Variants in STXBP6 observed in about 807,000 individuals in gnomAD.
STXBP6 encodes the protein syntaxin-binding protein 6.
Under a neutral mutation model 26.9 loss-of-function variants are expected in STXBP6, and 21 were observed. That is an observed-to-expected ratio of 0.78 (90% CI 0.55 to 1.12). STXBP6 has a LOEUF of 1.12. Among genes scored for constraint, STXBP6 ranks in the 50% most tolerant of loss-of-function variants. The pLI, the probability that STXBP6 is intolerant of heterozygous loss-of-function variation, is 0.00. For missense variants in STXBP6, 232 were observed against 257.9 expected (o/e 0.90, Z 0.69); for synonymous variants, 97 against 92.6 (o/e 1.05, Z -0.27).
intron 2 of STXBP6, among the ~76,000 whole-genome samples, chr14:24,909,297 C>T (rs903141576): frequency 1.3e-5 from 2 of 152,210 alleles, no homozygotes; most frequent in Non-Finnish European, 2.9e-5. Flanking sequence ...GCACGTCATG[C>T]GTGGAGCGCT....
chr14:24,982,958 G>A (rs1267315793), intron 1 of STXBP6, among the ~76,000 whole-genome samples: 2 of 152,176 alleles, frequency 1.3e-5, no homozygotes, highest in South Asian at 2.1e-4. Context: ...GAGGTAAGAC[G>A]AAGATTTCAT....
chr14:24,931,235 G>C (rs1393315516), intron 2 of STXBP6, among the ~76,000 whole-genome samples: 2 of 132,500 alleles, frequency 1.5e-5, no homozygotes, highest in African/African-American at 5.6e-5. Context: ...GGGGCCTGTC[G>C]TGAGGTGGGG....
At chr14:24,944,008 T>C (rs2072894880) in intron 2 of STXBP6, among the ~76,000 whole-genome samples, 2 of 152,206 alleles carry the variant, frequency 1.3e-5, no homozygotes, top group South Asian at 4.1e-4. Context: ...AAACAGAAAT[T>C]AGTGTTGGTT....
chr14:24,923,366 C>T (rs531714538), intron 2 of STXBP6, among the ~76,000 whole-genome samples: 1 of 152,094 alleles, frequency 6.6e-6, no homozygotes, highest in African/African-American at 2.4e-5. Context: ...ATTTAAAATG[C>T]CACAATGTTT....
At chr14:24,938,190 T>C (rs1224626239) in intron 2 of STXBP6, among the ~76,000 whole-genome samples, 1 of 152,128 alleles carries the variant, frequency 6.6e-6, no homozygotes, top group African/African-American at 2.4e-5. Context: ...CCACCACTTT[T>C]TTTCTCACGC....
At chr14:24,940,156 T>C (rs2072751641) in intron 2 of STXBP6, among the ~76,000 whole-genome samples, 1 of 152,218 alleles carries the variant, frequency 6.6e-6, no homozygotes. Context: ...ATCCAGTTGG[T>C]ACCTATAGCA....
chr14:24,987,747 C>G, intron 1 of STXBP6: 1 of 763,774 alleles, frequency 1.3e-6, no homozygotes, highest in Non-Finnish European at 1.6e-6. Context: ...ATGGCAAGAG[C>G]CAAGTCAAGT....
intron 2 of STXBP6, among the ~76,000 whole-genome samples, chr14:24,898,043 ACG>A (rs2071061876): frequency 6.6e-6 from 1 of 152,198 alleles, no homozygotes; most frequent in African/African-American, 2.4e-5. Flanking sequence ...GTTTCTGTAC[ACG>A]AGGTTTAGCA....
chr14:24,847,832 TTGATA>T (rs2069016409), intron 4 of STXBP6, among the ~76,000 whole-genome samples: 2 of 152,200 alleles, frequency 1.3e-5, no homozygotes, highest in African/African-American at 4.8e-5. Flanking sequence ...ACAGTGTTAC[TTGATA>T]TATTTTAAAC....
chr14:24,979,453 T>A (rs1178218153), intron 1 of STXBP6, among the ~76,000 whole-genome samples: 1 of 152,232 alleles, frequency 6.6e-6, no homozygotes, highest in Non-Finnish European at 1.5e-5. Flanking sequence ...TAGTCTTTCC[T>A]ACTTCAACGG....
At chr14:24,870,797 C>G (rs2069901374) in intron 2 of STXBP6, among the ~76,000 whole-genome samples, 1 of 152,180 alleles carries the variant, frequency 6.6e-6, no homozygotes, top group Admixed American at 6.5e-5. Context: ...GTGTGGTCCT[C>G]CATTGACCCT....
intron 1 of STXBP6, among the ~76,000 whole-genome samples, chr14:25,037,448 T>C (rs2075574686): frequency 6.6e-6 from 1 of 152,232 alleles, no homozygotes; most frequent in Admixed American, 6.5e-5. Flanking sequence ...ACCTGTATAA[T>C]GATAATACTC....
chr14:24,912,523 G>A (rs998390849), intron 2 of STXBP6, among the ~76,000 whole-genome samples: 2 of 150,930 alleles, frequency 1.3e-5, no homozygotes, highest in East Asian at 3.9e-4. Flanking sequence ...ATTTAACAAC[G>A]TATAGGAATT....
intron 1 of STXBP6, among the ~76,000 whole-genome samples, chr14:25,013,943 T>C (rs1198210891): frequency 6.6e-6 from 1 of 152,234 alleles, no homozygotes; most frequent in African/African-American, 2.4e-5. Context: ...AGAATTTTTT[T>C]AGTGTAATAA....
Position 24,974,796 on chromosome 14 carries a change from C to T in STXBP6, c.23G>A (p.Ser8Asn). 1 of 1,609,024 alleles carries T rather than the reference C, an allele frequency of 6.2e-7. No individual in the cohort carries two copies. The highest frequency in any genetic ancestry group is 8.5e-7 in the Non-Finnish European group (1 of 1,177,266). The change falls in exon 2 of 6, where the codon AGC (serine) becomes AAC (asparagine). Residue 8 changes from serine (S) to asparagine (N), a missense_variant. Transcript: ENST00000323944. ...ATCAAGAGGTGCAAAAATTTCCTTG[C>T]TGATAGCAGATTTGGCACTCATTGT... is the stretch of plus-strand genomic sequence containing the variant. MSAKSAI[S>N]KEIFAPLDER...
intron 4 of STXBP6, among the ~76,000 whole-genome samples, chr14:24,838,567 C>G (rs2068692356): frequency 6.6e-6 from 1 of 151,976 alleles, no homozygotes; most frequent in Admixed American, 6.5e-5. Flanking sequence ...ACCTGTAGTC[C>G]CAGCTATTCG....
chr14:25,003,323 C>T (rs188845043), intron 1 of STXBP6, among the ~76,000 whole-genome samples: 15 of 152,316 alleles, frequency 9.8e-5, no homozygotes, highest in Admixed American at 9.1e-4. Flanking sequence ...AATATCTTCT[C>T]TCCTAGCCTT....
rs2067854977 is a variant in STXBP6 at position 24,812,647 on chromosome 14, TA to T, written c.*61del. On this transcript the variant is annotated 3_prime_UTR_variant, in exon 6 of 6. Coordinates refer to ENST00000323944, the MANE Select transcript of STXBP6 (RefSeq NM_001394410.1). ...AGCAAGCGGAGGTCCCGAATTCTTG[TA>T]AAAACTGCTGAACAAACTCTTCAGT... The T allele has an allele frequency of 1.9e-6, 3 of 1,567,542 alleles. No homozygotes were observed. The highest frequency in any genetic ancestry group is 1.7e-5 in the Admixed American group (1 of 59,692).
chr14:24,908,324 C>T (rs1287081290), intron 2 of STXBP6, among the ~76,000 whole-genome samples: 1 of 152,204 alleles, frequency 6.6e-6, no homozygotes, highest in Non-Finnish European at 1.5e-5. Flanking sequence ...TGGCCCAAGA[C>T]ACCATCACAT....
Sources: allele counts gnomAD v4.1 joint callset (sites outside exome capture counted in the v4.1 genomes callset), GRCh38; gene constraint gnomAD v4.1.1; transcripts MANE v1.5; gene names NCBI Gene and HGNC (gene_info 2026-07-23, HGNC 2026-07-21).